SETBP1: variants seen among roughly 807,000 people sequenced by gnomAD.
SETBP1 encodes SET binding protein 1, also known as SET-binding protein.
A neutral mutation model predicts 101.0 loss-of-function variants in SETBP1; 9 were observed. The observed-to-expected ratio is 0.09, with a 90% CI of 0.05 to 0.16. The LOEUF is 0.16. Among genes scored for constraint, SETBP1 ranks in the 10% least tolerant of loss-of-function variants. The pLI is 1.00. For missense variants in SETBP1, 1,858 were observed against 2,033.8 expected (o/e 0.91, Z 1.66); for synonymous variants, 818 against 788.5 (o/e 1.04, Z -0.63).
intron 2 of SETBP1, among the ~76,000 whole-genome samples, chr18:44,749,448 A>G (rs1202856665): frequency 6.6e-6 from 1 of 152,154 alleles, no homozygotes; most frequent in South Asian, 2.1e-4. Flanking sequence ...TGCCTGTGCC[A>G]TTCTTTTTCG....
At chr18:44,945,162 C>CAA (rs1178035111) in intron 3 of SETBP1, among the ~76,000 whole-genome samples, 1 of 152,080 alleles carries the variant, frequency 6.6e-6, no homozygotes, top group Non-Finnish European at 1.5e-5. Context: ...CGCCCACCAC[C>CAA]AAAAGAAACT....
intron 4 of SETBP1, among the ~76,000 whole-genome samples, chr18:44,990,644 C>T: frequency 6.6e-6 from 1 of 151,036 alleles, no homozygotes; most frequent in East Asian, 1.9e-4. Flanking sequence ...CAAAAAAAAA[C>T]ATACACACAC....
At chr18:44,686,286 A>G (rs1174673168) in intron 1 of SETBP1, among the ~76,000 whole-genome samples, 1 of 152,214 alleles carries the variant, frequency 6.6e-6, no homozygotes, top group Non-Finnish European at 1.5e-5. Context: ...AGTGTTCTCG[A>G]GTGAACCCCA....
chr18:44,912,564 C>G (rs1295021433), intron 3 of SETBP1, among the ~76,000 whole-genome samples: 2 of 151,870 alleles, frequency 1.3e-5, no homozygotes, highest in Non-Finnish European at 2.9e-5. Context: ...ACTACAGGCA[C>G]CTGCCACCAT....
At position 44,695,408 on chromosome 18, in the gene SETBP1, A is replaced by G. The variant is rs562897062; in HGVS notation, c.-172-5767A>G. Among the ~76,000 whole-genome samples the G allele has an allele frequency of 3.6e-4, 55 of 152,328 alleles. 1 individual carries two copies. In the South Asian group the frequency reaches 0.01, roughly 29 times the overall value. On this transcript the variant is annotated intron_variant, in intron 1 of 5. Coordinates refer to ENST00000649279, the MANE Select transcript of SETBP1 (RefSeq NM_015559.3). ...TTAATAAAATTCTAACATAATGAAA[A>G]AGAAAGTCTTCAATTATAAACACAT...
In SETBP1 at chr18:44,843,276, T is replaced by C. The variant is rs116213627; in HGVS notation, c.487-25954T>C. Among the ~76,000 whole-genome samples, 433 of 152,320 alleles carry C rather than the reference T, an allele frequency of 2.8e-3. 1 individual carries two copies. Among genetic ancestry groups the C allele is most frequent in the African/African-American group, 0.01 (416 of 41,576 alleles). On this transcript the variant is annotated intron_variant, in intron 2 of 5. Coordinates refer to ENST00000649279, the MANE Select transcript of SETBP1 (RefSeq NM_015559.3). ...GCCACAGTCATCCCACAGACATCTCTCCTTTGAACCACTCAGTGTTTTACC... is the reference window on the plus strand; with the variant it reads ...GCCACAGTCATCCCACAGACATCTCCCCTTTGAACCACTCAGTGTTTTACC...
At chr18:45,030,472 C>CT (rs1173207960) in intron 4 of SETBP1, among the ~76,000 whole-genome samples, 7 of 133,994 alleles carry the variant, frequency 5.2e-5, no homozygotes, top group Non-Finnish European at 1.6e-5. Context: ...CTAAAATTCT[C>CT]TTTTTTGGTT....
intron 2 of SETBP1, among the ~76,000 whole-genome samples, chr18:44,712,133 G>T (rs2069360977): frequency 6.6e-6 from 1 of 152,168 alleles, no homozygotes; most frequent in Non-Finnish European, 1.5e-5. Context: ...AGTATCAAAT[G>T]CAGGTTGCTT....
At chr18:44,899,772 G>A (rs141976768) in intron 3 of SETBP1, among the ~76,000 whole-genome samples, 1 of 152,162 alleles carries the variant, frequency 6.6e-6, no homozygotes, top group Non-Finnish European at 1.5e-5. Context: ...TAAGGTAGAA[G>A]AGACCCAAAA....
intron 2 of SETBP1, among the ~76,000 whole-genome samples, chr18:44,727,681 G>C (rs2069744716): frequency 1.3e-5 from 2 of 152,152 alleles, no homozygotes; most frequent in African/African-American, 4.8e-5. Context: ...CATAAAATCA[G>C]ATTCTCGAAG....
At chr18:44,802,680 C>T (rs1223329147) in intron 2 of SETBP1, among the ~76,000 whole-genome samples, 7 of 152,092 alleles carry the variant, frequency 4.6e-5, no homozygotes, top group Non-Finnish European at 8.8e-5. Context: ...GAAGGGAATG[C>T]CTATGTGTGG....
At chr18:45,021,631 A>G (rs2073070694) in intron 4 of SETBP1, among the ~76,000 whole-genome samples, 1 of 152,208 alleles carries the variant, frequency 6.6e-6, no homozygotes, top group Non-Finnish European at 1.5e-5. Context: ...ACTCATAAAG[A>G]GAAGAAGAAA....
chr18:45,046,797 GA>G (rs1435539826), intron 5 of SETBP1, among the ~76,000 whole-genome samples: 1 of 152,210 alleles, frequency 6.6e-6, no homozygotes. Context: ...AAAACCTTGG[GA>G]TGTATGGAAT....
chr18:44,812,847 A>G (rs1051474196), intron 2 of SETBP1, among the ~76,000 whole-genome samples: 4 of 152,240 alleles, frequency 2.6e-5, no homozygotes, highest in Non-Finnish European at 5.9e-5. Flanking sequence ...AGAAAATGCT[A>G]CACTTCAGCA....
In SETBP1 at chr18:44,716,851, C is replaced by T. The variant is rs980082096; in HGVS notation, c.486+15019C>T. ...GTGCTGGGATTATGGCATTAGCCAC[C>T]GCCCTTATCCAGGTGAGTCATTCTT... On this transcript the variant is annotated intron_variant, in intron 2 of 5. Transcript: ENST00000649279. Among the ~76,000 whole-genome samples, 9 of 152,268 alleles carry T rather than the reference C, an allele frequency of 5.9e-5. No individual in the cohort carries two copies. The East Asian group carries it at 7.7e-4, about 13-fold the overall frequency.
intron 2 of SETBP1, among the ~76,000 whole-genome samples, chr18:44,774,404 GGGGTGTGT>G (rs373769687): frequency 1.3e-4 from 19 of 151,942 alleles, no homozygotes; most frequent in African/African-American, 4.6e-4. Context: ...TGTGAGTGTG[GGGGTGTGT>G]GGGTGTAGGA....
At chr18:44,991,999 ATT>A (rs2072388708) in intron 4 of SETBP1, among the ~76,000 whole-genome samples, 1 of 152,168 alleles carries the variant, frequency 6.6e-6, no homozygotes, top group Non-Finnish European at 1.5e-5. Flanking sequence ...GCCCCAAATC[ATT>A]GGAAGTTAGA....
chr18:45,023,090 A>C (rs888181952), intron 4 of SETBP1, among the ~76,000 whole-genome samples: 2 of 152,166 alleles, frequency 1.3e-5, no homozygotes, highest in African/African-American at 4.8e-5. Flanking sequence ...AACTGTTTTG[A>C]AATGCTGCTT....
At chr18:44,913,600 G>A (rs2070362412) in intron 3 of SETBP1, among the ~76,000 whole-genome samples, 1 of 152,204 alleles carries the variant, frequency 6.6e-6, no homozygotes, top group African/African-American at 2.4e-5. Context: ...CTTGGAAAGG[G>A]CTACAGTAGT....
Sources: allele counts gnomAD v4.1 joint callset (sites outside exome capture counted in the v4.1 genomes callset), GRCh38; gene constraint gnomAD v4.1.1; transcripts MANE v1.5; gene names NCBI Gene and HGNC (gene_info 2026-07-23, HGNC 2026-07-21).